NAV2: variants seen among roughly 807,000 people sequenced by gnomAD.
The protein encoded by NAV2 is helicase, APC down-regulated 1.
In NAV2, 54 loss-of-function variants were observed where a neutral mutation model predicts 223.2. That is an observed-to-expected ratio of 0.24 (90% CI 0.19 to 0.30). NAV2 has a LOEUF of 0.30. NAV2 is among the 10% of genes least tolerant of loss of function. The probability of loss-of-function intolerance (pLI) is 1.00; values close to 1 mark genes in which losing one functional copy is unlikely to be tolerated. For synonymous variants in NAV2, 1,279 were observed against 1,239.3 expected (o/e 1.03, Z -0.67); for missense variants, 2,806 against 3,147.5 (o/e 0.89, Z 2.60).
intron 1 of NAV2, among the ~76,000 whole-genome samples, chr11:19,754,746 G>T (rs1379306296): frequency 6.6e-6 from 1 of 152,176 alleles, no homozygotes. Flanking sequence ...ACCCAATTTA[G>T]ATTTGACTGG....
intron 1 of NAV2, among the ~76,000 whole-genome samples, chr11:19,365,080 G>C (rs1214655789): frequency 2.0e-5 from 3 of 152,166 alleles, no homozygotes; most frequent in East Asian, 1.9e-4. Flanking sequence ...GATATGCTTA[G>C]AGCCCAAGTT....
At chr11:19,640,621 G>A (rs2047637933) in intron 1 of NAV2, among the ~76,000 whole-genome samples, 1 of 152,154 alleles carries the variant, frequency 6.6e-6, no homozygotes, top group African/African-American at 2.4e-5. Context: ...CTATGCCTGA[G>A]AGAACATTTT....
At chr11:20,064,994 A>G (rs2058952134) in intron 20 of NAV2, among the ~76,000 whole-genome samples, 1 of 152,132 alleles carries the variant, frequency 6.6e-6, no homozygotes, top group African/African-American at 2.4e-5. Flanking sequence ...TACTGTCCTC[A>G]GTATGCCTTC....
upstream of NAV2, among the ~76,000 whole-genome samples, chr11:19,708,544 AG>A (rs1031659071): frequency 2.0e-5 from 3 of 152,102 alleles, no homozygotes; most frequent in Non-Finnish European, 4.4e-5. Flanking sequence ...TCAGGCCAAC[AG>A]GGGTCTTTAA....
chr11:19,716,475 T>A (rs2050326348), intron 1 of NAV2, among the ~76,000 whole-genome samples: 1 of 152,218 alleles, frequency 6.6e-6, no homozygotes, highest in Admixed American at 6.5e-5. Flanking sequence ...AAAGTAGCTA[T>A]TTATATTGCT....
intron 1 of NAV2, among the ~76,000 whole-genome samples, chr11:19,798,613 G>A (rs559111974): frequency 7.2e-5 from 11 of 152,262 alleles, no homozygotes; most frequent in Middle Eastern, 3.4e-3. Context: ...AGTTTAACTC[G>A]ACTTTGGAAG....
At chr11:19,389,004 G>A (rs1383426992) in intron 1 of NAV2, among the ~76,000 whole-genome samples, 2 of 152,344 alleles carry the variant, frequency 1.3e-5, no homozygotes, top group East Asian at 1.9e-4. Flanking sequence ...AGTTCACTAT[G>A]AGCCAAGCTC....
In NAV2 at chr11:20,026,601, T is replaced by G. The variant is rs539416616; in HGVS notation, c.2769-9358T>G. Among the ~76,000 whole-genome samples the G allele has an allele frequency of 3.0e-4, 46 of 152,354 alleles. No individual in the cohort carries two copies. The East Asian group carries it at 8.7e-3, about 29-fold the overall frequency. On this transcript the variant is annotated intron_variant, in intron 11 of 37. Coordinates refer to ENST00000349880, the MANE Select transcript of NAV2 (RefSeq NM_145117.5). The stretch of plus-strand genomic sequence containing the variant: ...CCGGGATTACAGGCGTGAGCCATCG[T>G]GCCTGGCCAGCTTGCTTATAGTTTT...
In NAV2 at chr11:19,625,627, A is replaced by G. The variant is rs570697524; in HGVS notation, c.76-206857A>G. On this transcript the variant is annotated intron_variant, in intron 1 of 37. Coordinates refer to the NAV2 transcript ENST00000360655. ...ATTTGTAGTTTTTTGAGGAACTTCC[A>G]TACTGTTCATAGCAGCTGTACTAGT... Among the ~76,000 whole-genome samples, 45 of 152,346 alleles carry G rather than the reference A, an allele frequency of 3.0e-4. 1 individual carries two copies. The highest frequency in any genetic ancestry group is 1.1e-3 in the African/African-American group (45 of 41,584).
intron 7 of NAV2, among the ~76,000 whole-genome samples, chr11:19,935,864 T>TTTTTTTTTTTTG (rs2045839298): frequency 2.9e-4 from 29 of 101,172 alleles, no homozygotes; most frequent in East Asian, 1.3e-3. Context: ...TTTTTTTTTT[T>TTTTTTTTTTTTG]TTTTTTTTTT....
chr11:19,994,681 C>A (rs946769209), intron 11 of NAV2, among the ~76,000 whole-genome samples: 56 of 152,110 alleles, frequency 3.7e-4, no homozygotes, highest in African/African-American at 1.3e-3. Flanking sequence ...GAAAAGGGTC[C>A]CTGGTTTCAC....
At chr11:19,956,508 T>A (rs2047893602) in intron 10 of NAV2, among the ~76,000 whole-genome samples, 1 of 152,116 alleles carries the variant, frequency 6.6e-6, no homozygotes, top group Non-Finnish European at 1.5e-5. Context: ...ATGACCTCCC[T>A]TACATTCAGA....
intron 1 of NAV2, among the ~76,000 whole-genome samples, chr11:19,457,623 C>T (rs1327360054): frequency 6.6e-6 from 1 of 152,110 alleles, no homozygotes; most frequent in Admixed American, 6.5e-5. Context: ...TAAAAGGTCA[C>T]TAGGGCTGCC....
chr11:19,725,353 T>C (rs917814204), intron 1 of NAV2, among the ~76,000 whole-genome samples: 3 of 152,114 alleles, frequency 2.0e-5, no homozygotes, highest in Non-Finnish European at 1.5e-5. Context: ...CCAAGTCTAG[T>C]TGAGGGTGGG....
At chr11:19,432,935 CCA>C (rs1163914180) in intron 1 of NAV2, among the ~76,000 whole-genome samples, 1 of 152,196 alleles carries the variant, frequency 6.6e-6, no homozygotes, top group Non-Finnish European at 1.5e-5. Flanking sequence ...TCACCCAGAA[CCA>C]CAGTGTCCTG....
intron 5 of NAV2, among the ~76,000 whole-genome samples, chr11:19,885,140 A>G (rs765548217): frequency 6.6e-6 from 1 of 152,232 alleles, no homozygotes; most frequent in Non-Finnish European, 1.5e-5. Flanking sequence ...ACCAGTTCAA[A>G]TGTGTCATCT....
intron 26 of NAV2, among the ~76,000 whole-genome samples, chr11:20,086,094 C>T (rs2153672790): frequency 6.6e-6 from 1 of 152,340 alleles, no homozygotes; most frequent in South Asian, 2.1e-4. Flanking sequence ...GAGTAGGCTA[C>T]AGCCACAGAC....
At chr11:19,945,195 CCCTTCCCTTTCTTT>C (rs59023579) in intron 8 of NAV2, among the ~76,000 whole-genome samples, 3,722 of 81,198 alleles carry the variant, frequency 0.046, 237 homozygotes, top group African/African-American at 0.11. Context: ...CCCTTCCCTT[CCCTTCCCTTTCTTT>C]CCTTTCCTTC....
At chr11:20,115,405 C>T (rs553682439) in intron 37 of NAV2, among the ~76,000 whole-genome samples, 48 of 151,912 alleles carry the variant, frequency 3.2e-4, no homozygotes, top group African/African-American at 1.1e-3. Flanking sequence ...GAGGCCAAGG[C>T]GGGTGGATCG....
Sources: gnomAD v4.1 joint callset for allele counts (sites outside exome capture counted in the v4.1 genomes callset) on GRCh38, gnomAD v4.1.1 for gene constraint, MANE v1.5 for transcripts, NCBI Gene and HGNC (gene_info 2026-07-23, HGNC 2026-07-21) for gene names.